BMPR2: variants seen among roughly 807,000 people sequenced by gnomAD.
The protein encoded by BMPR2 is bone morphogenetic protein receptor type-2.
A neutral mutation model predicts 100.8 loss-of-function variants in BMPR2; 29 were observed. The observed-to-expected ratio is 0.29, with a 90% CI of 0.21 to 0.39. The LOEUF (loss-of-function observed/expected upper bound fraction) is 0.39, where lower values mean the gene tolerates loss of function less well. Ranked by LOEUF, BMPR2 falls within the 10% of genes least tolerant of loss-of-function variation. BMPR2 has a pLI of 1.00. For synonymous variants in BMPR2, 382 were observed against 442.3 expected (o/e 0.86, Z 1.71); for missense variants, 1,011 against 1,274.5 (o/e 0.79, Z 3.15).
chr2:202,529,065 G>A (rs1015929207), intron 7 of BMPR2, among the ~76,000 whole-genome samples: 1 of 152,032 alleles, frequency 6.6e-6, no homozygotes, highest in Admixed American at 6.6e-5. Flanking sequence ...TAATAGCAAC[G>A]CATGCTTATT....
chr2:202,384,272 G>A, intron 1 of BMPR2, among the ~76,000 whole-genome samples: 1 of 152,208 alleles, frequency 6.6e-6, no homozygotes, highest in East Asian at 1.9e-4. Flanking sequence ...TTGTGCATCA[G>A]TAACGTTTAA....
intron 1 of BMPR2, among the ~76,000 whole-genome samples, chr2:202,413,723 A>AC: frequency 6.6e-6 from 1 of 151,288 alleles, no homozygotes; most frequent in Admixed American, 6.6e-5. Flanking sequence ...GGAGTACAGT[A>AC]GTGTTATTTT....
Position 202,552,813 on chromosome 2 carries a change from T to C in BMPR2, c.1511T>C (p.Leu504Pro). 1 of 1,614,204 alleles carries C rather than the reference T, an allele frequency of 6.2e-7. No individual in the cohort carries two copies. The highest frequency in any genetic ancestry group is 8.5e-7 in the Non-Finnish European group (1 of 1,180,034). Residue 504 changes from leucine (L) to proline (P), a missense_variant, in exon 11 of 13, where the codon CTT becomes CCT. Physicochemically the swap from Leu to Pro is moderately conservative, Grantham distance 98. Transcript: ENST00000374580. ...TGTGCTGAGGAAAGGATGGCTGAACTTATGATGATTTGGGAAAGAAACAAA... is the reference window on the plus strand; with the variant it reads ...TGTGCTGAGGAAAGGATGGCTGAACCTATGATGATTTGGGAAAGAAACAAA... ...AQCAEERMAE[L>P]MMIWERNKSV...
At chr2:202,510,761 A>G (rs1687606100) in intron 3 of BMPR2, among the ~76,000 whole-genome samples, 1 of 151,920 alleles carries the variant, frequency 6.6e-6, no homozygotes, top group South Asian at 2.1e-4. Flanking sequence ...GCTCACTACA[A>G]TCTCTGCCTC....
intron 3 of BMPR2, among the ~76,000 whole-genome samples, chr2:202,501,017 C>G (rs1687377489): frequency 6.6e-6 from 1 of 152,176 alleles, no homozygotes; most frequent in Non-Finnish European, 1.5e-5. Flanking sequence ...TCCAGGCACT[C>G]TGGTTCTTCA....
chr2:202,434,205 T>C (rs1691562168), intron 1 of BMPR2, among the ~76,000 whole-genome samples: 1 of 150,464 alleles, frequency 6.6e-6, no homozygotes, highest in Non-Finnish European at 1.5e-5. Context: ...ACAAATGGGA[T>C]CAAGATCCTG....
intron 1 of BMPR2, among the ~76,000 whole-genome samples, chr2:202,386,582 C>T (rs1559021549): frequency 6.6e-6 from 1 of 152,164 alleles, no homozygotes; most frequent in Non-Finnish European, 1.5e-5. Context: ...CCACTATCTT[C>T]TCTTACTTGT....
chr2:202,476,860 A>G (rs1365867764), intron 3 of BMPR2, among the ~76,000 whole-genome samples: 1 of 151,882 alleles, frequency 6.6e-6, no homozygotes, highest in South Asian at 2.1e-4. Context: ...CAACTTCAAT[A>G]TACTGTTTTG....
intron 6 of BMPR2, among the ~76,000 whole-genome samples, chr2:202,519,398 G>C (rs1373658143): frequency 6.6e-6 from 1 of 152,128 alleles, no homozygotes; most frequent in Non-Finnish European, 1.5e-5. Context: ...ATTTATATTA[G>C]TTGTTAATCA....
Position 202,559,717 on chromosome 2 carries a change from G to C in BMPR2, c.2888G>C (p.Gly963Ala). Residue 963 changes from glycine (G) to alanine (A), a missense_variant, in exon 13 of 13, where the codon GGC (glycine) becomes GCC (alanine). Around this residue, in one of 6 missense-constraint regions of BMPR2, gnomAD observed 508 missense variants for 552.0 expected, o/e 0.92. Transcript: ENST00000374580. Reference protein sequence around the residue: ...SIQIGESTQDGKSGSGEKIKK... With the variant: ...SIQIGESTQDAKSGSGEKIKK... ...TCAGTAGGTGAGTCAACACAAGATG[G>C]CAAATCAGGATCAGGTGAAAAGATC... 1 of 1,614,020 alleles carries C rather than the reference G, an allele frequency of 6.2e-7. No homozygotes were observed. The highest frequency in any genetic ancestry group is 8.5e-7 in the Non-Finnish European group (1 of 1,179,980).
chr2:202,449,351 T>A (rs1011144823), intron 1 of BMPR2, among the ~76,000 whole-genome samples: 2 of 143,636 alleles, frequency 1.4e-5, no homozygotes, highest in Non-Finnish European at 3.1e-5. Context: ...AAATAAATAA[T>A]AAAAAAATAA....
intron 3 of BMPR2, among the ~76,000 whole-genome samples, chr2:202,485,344 C>G (rs1014141012): frequency 6.6e-6 from 1 of 151,760 alleles, no homozygotes; most frequent in African/African-American, 2.4e-5. Context: ...GGCCAGCAGT[C>G]TAAAGCCAAG....
At chr2:202,533,312 G>T (rs1354927953) in intron 9 of BMPR2, among the ~76,000 whole-genome samples, 1 of 152,036 alleles carries the variant, frequency 6.6e-6, no homozygotes, top group Non-Finnish European at 1.5e-5. Context: ...AGCACTTTGT[G>T]AGGCCGAGGC....
At chr2:202,452,856 G>A (rs1172978579) in intron 1 of BMPR2, among the ~76,000 whole-genome samples, 11 of 152,200 alleles carry the variant, frequency 7.2e-5, no homozygotes, top group Admixed American at 6.6e-4. Context: ...AGTATAGAAT[G>A]TTATGGAAGT....
At chr2:202,466,444 G>A (rs548426928) in intron 2 of BMPR2, among the ~76,000 whole-genome samples, 74 of 151,946 alleles carry the variant, frequency 4.9e-4, no homozygotes, top group African/African-American at 1.4e-3. Context: ...GCACCACCAC[G>A]CCCAGCTAAT....
At chr2:202,498,375 C>CA (rs1344132264) in intron 3 of BMPR2, among the ~76,000 whole-genome samples, 2 of 152,162 alleles carry the variant, frequency 1.3e-5, no homozygotes, top group Non-Finnish European at 2.9e-5. Context: ...TCAGTGAGCG[C>CA]AACTATTCCG....
At chr2:202,487,032 T>C (rs1692792161) in intron 3 of BMPR2, among the ~76,000 whole-genome samples, 1 of 152,138 alleles carries the variant, frequency 6.6e-6, no homozygotes, top group African/African-American at 2.4e-5. Context: ...GTACAAATTA[T>C]ACTTATTATA....
At chr2:202,488,983 G>A (rs1186936380) in intron 3 of BMPR2, among the ~76,000 whole-genome samples, 2 of 150,946 alleles carry the variant, frequency 1.3e-5, no homozygotes, top group Non-Finnish European at 2.9e-5. Context: ...GAATCATAAG[G>A]TATCTGTCTT....
chr2:202,483,523 C>G (rs2105975296), intron 3 of BMPR2, among the ~76,000 whole-genome samples: 1 of 152,110 alleles, frequency 6.6e-6, no homozygotes, highest in East Asian at 1.9e-4. Context: ...CTCAGCCTCC[C>G]AAGTAGCTGG....
Sources: allele counts gnomAD v4.1 joint callset (sites outside exome capture counted in the v4.1 genomes callset), GRCh38; gene constraint gnomAD v4.1.1; regional missense constraint gnomAD v4.1.1; transcripts MANE v1.5; gene names NCBI Gene and HGNC (gene_info 2026-07-23, HGNC 2026-07-21).